Variants in TMEM156 observed in about 807,000 individuals in gnomAD.
TMEM156 encodes transmembrane protein 156.
TMEM156 carries 28 observed loss-of-function variants against 30.5 expected under a neutral mutation model. That is an observed-to-expected ratio of 0.92 (90% CI 0.68 to 1.26). The LOEUF is 1.26. Ranked by LOEUF, TMEM156 falls within the 50% of genes most tolerant of loss-of-function variation. TMEM156 has a pLI of 0.00. For missense variants in TMEM156, 351 were observed against 340.6 expected (o/e 1.03, Z -0.24); for synonymous variants, 137 against 119.9 (o/e 1.14, Z -0.93).
chr4:38,992,717 TA>T (rs1204604309), intron 3 of TMEM156, among the ~76,000 whole-genome samples: 6 of 43,454 alleles, frequency 1.4e-4, no homozygotes, highest in Non-Finnish European at 2.5e-4. Context: ...ATATATTATA[TA>T]TATATAATAT....
chr4:39,006,550 G>C (rs1487053033), intron 1 of TMEM156, among the ~76,000 whole-genome samples: 3 of 151,782 alleles, frequency 2.0e-5, no homozygotes, highest in African/African-American at 7.3e-5. Flanking sequence ...CTTCCTTAAG[G>C]TTAAAAAGAT....
intron 2 of TMEM156, 34 bp from the exon 3 acceptor site, chr4:38,994,032 A>G (rs1490764227): frequency 1.9e-6 from 3 of 1,558,442 alleles, no homozygotes; most frequent in Admixed American, 1.7e-5. Flanking sequence ...TATTTGCAAA[A>G]TATTAATACA....
At chr4:38,990,792 G>A (rs754116176) in intron 3 of TMEM156, among the ~76,000 whole-genome samples, 8 of 148,950 alleles carry the variant, frequency 5.4e-5, no homozygotes, top group Non-Finnish European at 4.5e-5. Context: ...TACAAAGTTG[G>A]TTGTTGCTGT....
intron 5 of TMEM156, among the ~76,000 whole-genome samples, chr4:38,976,200 T>C (rs1368112308): frequency 7.1e-6 from 1 of 140,762 alleles, no homozygotes; most frequent in Non-Finnish European, 1.5e-5. Flanking sequence ...GGCAGGAGAA[T>C]CCCTTCAACT....
At chr4:38,969,886 C>A (rs1371269515) in intron 6 of TMEM156, among the ~76,000 whole-genome samples, 1 of 152,216 alleles carries the variant, frequency 6.6e-6, no homozygotes, top group African/African-American at 2.4e-5. Flanking sequence ...AGCCACCACA[C>A]CCTGAGGTGA....
At chr4:38,989,670 T>C (rs1215016372) in intron 3 of TMEM156, among the ~76,000 whole-genome samples, 1 of 152,218 alleles carries the variant, frequency 6.6e-6, no homozygotes, top group African/African-American at 2.4e-5. Context: ...CGGTCTCCCA[T>C]GGTCTCATAA....
intron 5 of TMEM156, among the ~76,000 whole-genome samples, chr4:38,982,842 G>T (rs1711683285): frequency 6.6e-6 from 1 of 152,196 alleles, no homozygotes; most frequent in Non-Finnish European, 1.5e-5. Flanking sequence ...CCACACAGCA[G>T]GAGTGGATGG....
At chr4:39,005,478 G>C (rs1713667317) in intron 1 of TMEM156, among the ~76,000 whole-genome samples, 1 of 152,094 alleles carries the variant, frequency 6.6e-6, no homozygotes, top group South Asian at 2.1e-4. Flanking sequence ...TAAGTTTCCT[G>C]AGGCCTCCCC....
intron 1 of TMEM156, among the ~76,000 whole-genome samples, chr4:39,004,267 A>G (rs1434924287): frequency 2.0e-5 from 3 of 152,220 alleles, no homozygotes; most frequent in Non-Finnish European, 2.9e-5. Flanking sequence ...AATACTGAAC[A>G]GAATTGGGAA....
chr4:38,986,780 C>A (rs188545060), intron 4 of TMEM156, among the ~76,000 whole-genome samples: 2,824 of 119,442 alleles, frequency 0.024, 113 homozygotes, highest in African/African-American at 0.086. Flanking sequence ...TGCACTCCAG[C>A]CTGGACGAAA....
chr4:39,012,525 G>T (rs1204580288), intron 1 of TMEM156, among the ~76,000 whole-genome samples: 1 of 152,222 alleles, frequency 6.6e-6, no homozygotes, highest in Non-Finnish European at 1.5e-5. Context: ...GGTGGAGAAG[G>T]TCGGGTGCGG....
At chr4:39,021,835 A>G (rs1223661722) in intron 1 of TMEM156, among the ~76,000 whole-genome samples, 1 of 152,182 alleles carries the variant, frequency 6.6e-6, no homozygotes, top group African/African-American at 2.4e-5. Context: ...GTCTGATTAC[A>G]TTCTTCTGTG....
At chr4:38,982,797 A>T (rs1341414153) in intron 5 of TMEM156, among the ~76,000 whole-genome samples, 1 of 152,214 alleles carries the variant, frequency 6.6e-6, no homozygotes, top group Non-Finnish European at 1.5e-5. Context: ...TTTGATGGAC[A>T]TATAGGGGAG....
At chr4:39,027,391 A>G (rs1253258197) in intron 1 of TMEM156, among the ~76,000 whole-genome samples, 19 of 152,114 alleles carry the variant, frequency 1.2e-4, no homozygotes. Context: ...GTTTTCTTCA[A>G]TTTCACTGTT....
At chr4:39,030,196 C>A (rs1222935137) in intron 1 of TMEM156, among the ~76,000 whole-genome samples, 12 of 144,822 alleles carry the variant, frequency 8.3e-5, no homozygotes, top group Non-Finnish European at 1.5e-4. Context: ...AAAAAAACAA[C>A]CCATCAACCC....
At chr4:38,980,155 A>G (rs1310300146) in intron 5 of TMEM156, among the ~76,000 whole-genome samples, 1 of 151,880 alleles carries the variant, frequency 6.6e-6, no homozygotes, top group Non-Finnish European at 1.5e-5. Context: ...AGGATGGAAA[A>G]TAAATGACTG....
intron 1 of TMEM156, among the ~76,000 whole-genome samples, chr4:39,025,745 G>A (rs1452154301): frequency 6.6e-6 from 1 of 152,130 alleles, no homozygotes; most frequent in Non-Finnish European, 1.5e-5. Flanking sequence ...AAAGAAAATG[G>A]CAGGAAAATG....
intron 4 of TMEM156, 65 bp downstream of exon 4, chr4:38,988,786 T>C: frequency 6.3e-7 from 1 of 1,597,752 alleles, no homozygotes; most frequent in Non-Finnish European, 8.5e-7. Flanking sequence ...TAAATTGTAC[T>C]AAAAAGGAAA....
intron 5 of TMEM156, among the ~76,000 whole-genome samples, chr4:38,974,183 T>C (rs1722738821): frequency 1.3e-5 from 2 of 150,926 alleles, no homozygotes; most frequent in South Asian, 4.2e-4. Flanking sequence ...CTCAATGATT[T>C]ATTTATTTTT....
Sources: allele counts gnomAD v4.1 joint callset (sites outside exome capture counted in the v4.1 genomes callset), GRCh38; gene constraint gnomAD v4.1.1; transcripts MANE v1.5; gene names NCBI Gene and HGNC (gene_info 2026-07-23, HGNC 2026-07-21).